ACKR3: variants seen among roughly 807,000 people sequenced by gnomAD.
The protein encoded by ACKR3 is C-X-C chemokine receptor type 7.
A neutral mutation model predicts 22.4 loss-of-function variants in ACKR3; 6 were observed. The ratio of observed to expected loss-of-function variants is 0.27; its 90% CI spans 0.15 to 0.53. The LOEUF is 0.53. Among genes scored for constraint, ACKR3 ranks in the 20% least tolerant of loss-of-function variants. The pLI is 0.96. For synonymous variants in ACKR3, 209 were observed against 205.2 expected (o/e 1.02, Z -0.16); for missense variants, 396 against 475.2 (o/e 0.83, Z 1.55).
At chr2:236,565,351 G>A (rs1691156341), upstream of ACKR3, among the ~76,000 whole-genome samples, 1 of 152,176 alleles carries the variant, frequency 6.6e-6, no homozygotes, top group Admixed American at 6.5e-5. Context: ...AAAACAGCAG[G>A]TGCAACAAGA....
In ACKR3 at chr2:236,582,012, G is replaced by A. The variant is rs1360239891; in HGVS notation, c.*458G>A. 6.0e-6 allele frequency: 1 copy of A among 165,442 alleles called. No homozygotes were observed. The highest frequency in any genetic ancestry group is 1.5e-5 in the Non-Finnish European group (1 of 67,968). 10.2% of individuals were successfully genotyped at this position (165,442 alleles called of 1,614,324 possible). A position where few individuals can be genotyped will look rare whatever the true frequency, so the allele number is the denominator to read the frequency against. On this transcript the variant is annotated 3_prime_UTR_variant, in exon 2 of 2. Transcript: ENST00000272928. ...AGAGTGTTGTAGTTTTAAGGTTAGC[G>A]TGACTTCAGTTTTGACTAAGGATGA...
the ACKR3 span, among the ~76,000 whole-genome samples, chr2:236,558,059 T>C: frequency 6.6e-6 from 1 of 152,298 alleles, no homozygotes; most frequent in African/African-American, 2.4e-5. Context: ...CTGAGGAGTC[T>C]TTCTCTAGAA....
chr2:236,544,871 T>C, the ACKR3 span, among the ~76,000 whole-genome samples: 2 of 152,146 alleles, frequency 1.3e-5, no homozygotes, highest in Non-Finnish European at 2.9e-5. The surrounding 1 kb of genome is among the most constrained non-coding windows in gnomAD (Gnocchi z 5.0). Context: ...TTAGAAAGTA[T>C]AACATAATAT....
chr2:236,542,503 T>A, the ACKR3 span, among the ~76,000 whole-genome samples: 1 of 152,172 alleles, frequency 6.6e-6, no homozygotes, highest in Admixed American at 6.5e-5. Flanking sequence ...CTGGGGACAC[T>A]GTATTAATTT....
At chr2:236,553,700 T>G in the ACKR3 span, among the ~76,000 whole-genome samples, 1 of 152,256 alleles carries the variant, frequency 6.6e-6, no homozygotes, top group Non-Finnish European at 1.5e-5. Flanking sequence ...TTTCCCGCCA[T>G]GCGGGAGGGG....
At chr2:236,576,828 T>C (rs139558234) in intron 1 of ACKR3, among the ~76,000 whole-genome samples, 4 of 152,268 alleles carry the variant, frequency 2.6e-5, no homozygotes, top group Non-Finnish European at 4.4e-5. Flanking sequence ...ACCTAATGCA[T>C]GAAAAATACC....
chr2:236,580,675 C>A lies in ACKR3; in HGVS notation c.210C>A (p.Ile70=). Residue 70 remains isoleucine (I), a synonymous_variant, in exon 2 of 2, where the codon ATC becomes ATA. Coordinates refer to ENST00000272928, the MANE Select transcript of ACKR3 (RefSeq NM_020311.3). ...IANSVVVWVN[I]QAKTTGYDTH... Reference sequence around the variant, plus strand: ...ACTCCGTGGTGGTCTGGGTGAATATCCAGGCCAAGACCACAGGCTATGACA... The same window carrying A: ...ACTCCGTGGTGGTCTGGGTGAATATACAGGCCAAGACCACAGGCTATGACA... 6.2e-7 allele frequency: 1 copy of A among 1,614,174 alleles called. No individual in the cohort carries two copies. Among genetic ancestry groups the A allele is most frequent in the Non-Finnish European group, 8.5e-7 (1 of 1,180,030 alleles).
chr2:236,556,607 G>T, the ACKR3 span, among the ~76,000 whole-genome samples: 4 of 152,240 alleles, frequency 2.6e-5, no homozygotes, highest in Non-Finnish European at 4.4e-5. Flanking sequence ...CAGCCCCAAA[G>T]CCTCCAGAAG....
chr2:236,581,062 C>T lies in ACKR3; in HGVS notation c.597C>T (p.Phe199=), dbSNP rs752282936. 6.8e-6 allele frequency: 11 copies of T among 1,614,102 alleles called. No individual in the cohort carries two copies. Among genetic ancestry groups the T allele is most frequent in the Non-Finnish European group, 9.3e-6 (11 of 1,180,054 alleles). ...ASNNETYCRS[F]YPEHSIKEWL... ...ACAATGAGACCTACTGCCGGTCCTT[C>T]TACCCCGAGCACAGCATCAAGGAGT... The change falls in exon 2 of 2, where the codon TTC becomes TTT. Residue 199 remains phenylalanine (F), a synonymous_variant. Transcript: ENST00000272928. This position sits in a 1 kb window ranked among gnomAD's most constrained non-coding sequence, Gnocchi z 4.4.
upstream of ACKR3, among the ~76,000 whole-genome samples, chr2:236,565,489 T>G (rs1691158976): frequency 1.3e-5 from 2 of 152,078 alleles, no homozygotes; most frequent in Admixed American, 1.3e-4. Flanking sequence ...GTACAGATCT[T>G]GTTAAAAATA....
upstream of ACKR3, among the ~76,000 whole-genome samples, chr2:236,564,124 G>A (rs1043543548): frequency 4.0e-5 from 6 of 151,216 alleles, no homozygotes; most frequent in East Asian, 1.9e-4. Flanking sequence ...ACCCCCTCTC[G>A]GGAAATGCCT....
the ACKR3 span, among the ~76,000 whole-genome samples, chr2:236,559,325 G>A: frequency 6.4e-4 from 97 of 152,308 alleles, no homozygotes; most frequent in African/African-American, 2.3e-3. Context: ...GTATGCCTAT[G>A]TACTCACCAA....
the ACKR3 span, among the ~76,000 whole-genome samples, chr2:236,540,515 A>G: frequency 1.3e-5 from 2 of 151,936 alleles, no homozygotes; most frequent in Non-Finnish European, 2.9e-5. Context: ...ACTTTGATTA[A>G]CTCAAATTTG....
At position 236,574,806 on chromosome 2, in the gene ACKR3, C is replaced by T. The variant is rs1691373631; in HGVS notation, c.-27+4882C>T. Among the ~76,000 whole-genome samples, 1 of 152,126 alleles carries T rather than the reference C, an allele frequency of 6.6e-6. No homozygotes were observed. Among genetic ancestry groups the T allele is most frequent in the South Asian group, 2.1e-4 (1 of 4,822 alleles). ...GATACTTGGTTGATGAATAAAACAT[C>T]CCAGAAACGAGAGGTGCATCTCCGA... On this transcript the variant is annotated intron_variant, in intron 1 of 1. Coordinates refer to ENST00000272928, the MANE Select transcript of ACKR3 (RefSeq NM_020311.3). This position sits in a 1 kb window ranked among gnomAD's most constrained non-coding sequence, Gnocchi z 5.6.
At chr2:236,554,192 G>A in the ACKR3 span, among the ~76,000 whole-genome samples, 3 of 152,186 alleles carry the variant, frequency 2.0e-5, no homozygotes, top group Admixed American at 6.5e-5. Flanking sequence ...CCTTAACTTC[G>A]AGGGGTTATT....
In ACKR3 at chr2:236,581,182, C is replaced by T. The variant is rs886523935; in HGVS notation, c.717C>T (p.Ile239=). 4 of 1,613,634 alleles carry T rather than the reference C, an allele frequency of 2.5e-6. No individual in the cohort carries two copies. The highest frequency in any genetic ancestry group is 1.3e-5 in the African/African-American group (1 of 74,938). ...TCTACTTCCTGCTGGCCAGAGCCAT[C>T]TCGGCGTCCAGTGACCAGGAGAAGC... ...AVFYFLLARA[I]SASSDQEKHS... Residue 239 remains isoleucine (I), a synonymous_variant, in exon 2 of 2, where the codon ATC becomes ATT. Transcript: ENST00000272928. The surrounding 1 kb of genome is among the most constrained non-coding windows in gnomAD (Gnocchi z 4.4).
At chr2:236,544,002 T>A in the ACKR3 span, among the ~76,000 whole-genome samples, 1 of 125,086 alleles carries the variant, frequency 8.0e-6, no homozygotes, top group Non-Finnish European at 1.7e-5. The surrounding 1 kb of genome is among the most constrained non-coding windows in gnomAD (Gnocchi z 5.0). Context: ...TACACTTTTT[T>A]TTTTTTGAGA....
Position 236,580,721 on chromosome 2 carries a change from C to G in ACKR3, c.256C>G (p.Leu86Val). 1 of 1,614,204 alleles carries G rather than the reference C, an allele frequency of 6.2e-7. No individual in the cohort carries two copies. Among genetic ancestry groups the G allele is most frequent in the Non-Finnish European group, 8.5e-7 (1 of 1,180,038 alleles). Residue 86 changes from leucine to valine, a missense_variant, in exon 2 of 2, where the codon CTG (leucine) becomes GTG (valine). Transcript: ENST00000272928. ...GYDTHCYILN[L>V]AIADLWVVLT... ...TGACACGCACTGCTACATCTTGAACCTGGCCATTGCCGACCTGTGGGTTGT... is the reference window on the plus strand; with the variant it reads ...TGACACGCACTGCTACATCTTGAACGTGGCCATTGCCGACCTGTGGGTTGT...
the ACKR3 span, among the ~76,000 whole-genome samples, chr2:236,562,439 C>G: frequency 6.6e-6 from 1 of 152,064 alleles, no homozygotes; most frequent in African/African-American, 2.4e-5. Flanking sequence ...CAGTTTGGGT[C>G]TCTCATAAAT....
Sources: gnomAD v4.1 joint callset for allele counts (sites outside exome capture counted in the v4.1 genomes callset) on GRCh38, gnomAD v4.1.1 for gene constraint, Gnocchi (gnomAD v3.1) non-coding constraint, MANE v1.5 for transcripts, NCBI Gene and HGNC (gene_info 2026-07-23, HGNC 2026-07-21) for gene names.